Variants in CDH2 observed in about 807,000 individuals in gnomAD.
CDH2 encodes the protein cadherin-2.
In CDH2, 17 loss-of-function variants were observed where a neutral mutation model predicts 92.0. The observed-to-expected ratio is 0.18, with a 90% CI of 0.13 to 0.28. CDH2 has a LOEUF of 0.28. CDH2 is among the 10% of genes least tolerant of loss of function. CDH2 has a pLI of 1.00. For synonymous variants in CDH2, 419 were observed against 415.9 expected (o/e 1.01, Z -0.09); for missense variants, 862 against 1,133.1 (o/e 0.76, Z 3.44).
chr18:28,016,880 T>A (rs1463553681), intron 2 of CDH2, among the ~76,000 whole-genome samples: 1 of 152,138 alleles, frequency 6.6e-6, no homozygotes, highest in Non-Finnish European at 1.5e-5. Context: ...GAGATGATCA[T>A]GTTATTTTTT....
At chr18:28,001,004 T>G (rs1469839280) in intron 7 of CDH2, among the ~76,000 whole-genome samples, 1 of 152,186 alleles carries the variant, frequency 6.6e-6, no homozygotes, top group Non-Finnish European at 1.5e-5. Context: ...ATTTTTTCTA[T>G]GTTAAATGAC....
intron 14 of CDH2, among the ~76,000 whole-genome samples, chr18:27,972,894 C>T (rs2011703085): frequency 6.6e-6 from 1 of 152,100 alleles, no homozygotes; most frequent in South Asian, 2.1e-4. Context: ...CTTGATTTAG[C>T]CTGGGACTCT....
At chr18:28,170,896 T>G (rs2016454101) in intron 1 of CDH2, among the ~76,000 whole-genome samples, 1 of 151,772 alleles carries the variant, frequency 6.6e-6, no homozygotes, top group African/African-American at 2.4e-5. Context: ...TACCATGTGT[T>G]TGTCATAAAT....
chr18:28,063,974 TC>T (rs1228606486), intron 2 of CDH2, among the ~76,000 whole-genome samples: 8 of 152,210 alleles, frequency 5.3e-5, no homozygotes, highest in Non-Finnish European at 1.2e-4. Context: ...ACCTTTAAGA[TC>T]GACTTAGACA....
intron 1 of CDH2, among the ~76,000 whole-genome samples, chr18:28,170,977 C>T (rs2016456023): frequency 6.6e-6 from 1 of 151,326 alleles, no homozygotes; most frequent in African/African-American, 2.4e-5. Context: ...GTCTGTAATC[C>T]GAGCACTTCG....
intron 14 of CDH2, among the ~76,000 whole-genome samples, chr18:27,971,306 T>C (rs1361324721): frequency 1.3e-5 from 2 of 149,018 alleles, no homozygotes; most frequent in Non-Finnish European, 3.0e-5. Flanking sequence ...TGCATGTCAG[T>C]TCTTTTTTTT....
chr18:28,147,955 G>C (rs542292714), intron 1 of CDH2, among the ~76,000 whole-genome samples, 171 bp from the exon 2 acceptor site: 1 of 152,264 alleles, frequency 6.6e-6, no homozygotes, highest in South Asian at 2.1e-4. Context: ...TAATCATTTT[G>C]ATAACTGGAG....
chr18:27,956,279 G>A (rs1328248665), intron 15 of CDH2, among the ~76,000 whole-genome samples: 1 of 152,164 alleles, frequency 6.6e-6, no homozygotes, highest in East Asian at 1.9e-4. Flanking sequence ...CACCTTTCCT[G>A]GAGAGGTAGA....
chr18:28,174,594 A>G (rs2016510345), intron 1 of CDH2, among the ~76,000 whole-genome samples: 1 of 152,238 alleles, frequency 6.6e-6, no homozygotes, highest in Non-Finnish European at 1.5e-5. Context: ...CTGAGAAAGA[A>G]CATACAATGG....
intron 7 of CDH2, among the ~76,000 whole-genome samples, chr18:27,999,686 GTGTGTGTGTGTATATATATGTATATA>G (rs2012703858): frequency 1.3e-5 from 2 of 150,426 alleles, no homozygotes; most frequent in African/African-American, 4.9e-5. Flanking sequence ...ATATATATAT[GTGTGTGTGTGTATATATATGTATATA>G]TGTGTGTGTG....
Position 27,992,026 on chromosome 18 carries a change from A to T in CDH2, c.1344+629T>A, listed in dbSNP as rs1171743597. On this transcript the variant is annotated intron_variant, in intron 9 of 15. Transcript: ENST00000269141. ...TGTTTTGTTTGGTTCCTTTTTGACC[A>T]TAAGATCAGAAGAATACATTTCTTA... Among the ~76,000 whole-genome samples the T allele has an allele frequency of 2.6e-5, 4 of 152,226 alleles. No individual in the cohort carries two copies. The South Asian group carries it at 8.3e-4, about 31-fold the overall frequency.
At chr18:28,068,407 T>C (rs1319581055) in intron 2 of CDH2, among the ~76,000 whole-genome samples, 1 of 150,700 alleles carries the variant, frequency 6.6e-6, no homozygotes, top group African/African-American at 2.4e-5. Flanking sequence ...CTGCTGAAGC[T>C]CAAAGGTTAA....
At chr18:28,018,423 T>C (rs564628697) in intron 2 of CDH2, among the ~76,000 whole-genome samples, 10 of 152,046 alleles carry the variant, frequency 6.6e-5, no homozygotes, top group South Asian at 6.2e-4. Flanking sequence ...AAAAAGAGCC[T>C]ACATAGCCAA....
chr18:28,129,658 T>C (rs2015733454), intron 2 of CDH2, among the ~76,000 whole-genome samples: 1 of 152,118 alleles, frequency 6.6e-6, no homozygotes, highest in Non-Finnish European at 1.5e-5. Flanking sequence ...TGAGCTTCTG[T>C]CTCTACAAAA....
At chr18:28,167,974 A>C (rs889957416) in intron 1 of CDH2, among the ~76,000 whole-genome samples, 2 of 152,178 alleles carry the variant, frequency 1.3e-5, no homozygotes, top group Non-Finnish European at 2.9e-5. Context: ...CAGACTTTGA[A>C]TGTCTGTGTT....
intron 6 of CDH2, among the ~76,000 whole-genome samples, chr18:27,939,702 T>C (rs1206238308): frequency 6.6e-6 from 1 of 152,216 alleles, no homozygotes; most frequent in African/African-American, 2.4e-5. Context: ...TCTTATACTA[T>C]GTGGTTTAAT....
intron 2 of CDH2, among the ~76,000 whole-genome samples, chr18:28,085,178 C>T (rs2014903271): frequency 6.6e-6 from 1 of 152,038 alleles, no homozygotes; most frequent in Non-Finnish European, 1.5e-5. Context: ...TCTCTTTAAG[C>T]TTTCCTTGTA....
At chr18:28,007,193 TAC>T (rs1480341930) in intron 5 of CDH2, among the ~76,000 whole-genome samples, 3 of 142,182 alleles carry the variant, frequency 2.1e-5, no homozygotes, top group East Asian at 2.0e-4. Context: ...TATATATATA[TAC>T]GAGTATATAC....
chr18:27,994,102 T>C (rs1446914484), intron 7 of CDH2, among the ~76,000 whole-genome samples: 1 of 152,248 alleles, frequency 6.6e-6, no homozygotes, highest in Non-Finnish European at 1.5e-5. Flanking sequence ...TTTTATATGT[T>C]CTTACATATA....
Sources: gnomAD v4.1 joint callset for allele counts (sites outside exome capture counted in the v4.1 genomes callset) on GRCh38, gnomAD v4.1.1 for gene constraint, MANE v1.5 for transcripts, NCBI Gene and HGNC (gene_info 2026-07-23, HGNC 2026-07-21) for gene names.